The following SNAPC1 variants were observed in gnomAD, a reference collection of about 807,000 sequenced individuals.
SNAPC1 encodes the protein small nuclear RNA activating complex polypeptide 1, also known as snRNA-activating protein complex subunit 1.
Under a neutral mutation model 50.1 loss-of-function variants are expected in SNAPC1, and 42 were observed. The ratio of observed to expected loss-of-function variants is 0.84; its 90% CI spans 0.65 to 1.08. The LOEUF is 1.08. SNAPC1 is among the 50% of genes least tolerant of loss of function. SNAPC1 has a pLI of 0.00. For missense variants in SNAPC1, 477 were observed against 427.3 expected (o/e 1.12, Z -1.02); for synonymous variants, 164 against 144.2 (o/e 1.14, Z -0.98).
intron 4 of SNAPC1, among the ~76,000 whole-genome samples, chr14:61,772,124 T>C (rs1030278390): frequency 2.0e-5 from 3 of 152,118 alleles, no homozygotes; most frequent in Non-Finnish European, 2.9e-5. Context: ...TGAGACAGGA[T>C]CTTGCTTCAT....
chr14:61,789,028 C>CA (rs2045133880), intron 8 of SNAPC1, among the ~76,000 whole-genome samples: 1 of 152,068 alleles, frequency 6.6e-6, no homozygotes, highest in African/African-American at 2.4e-5. Context: ...GTCAGGAGTT[C>CA]AAAACCAGCC....
At chr14:61,778,350 A>C (rs571167018) in intron 6 of SNAPC1, among the ~76,000 whole-genome samples, 53 of 152,230 alleles carry the variant, frequency 3.5e-4, no homozygotes, top group Non-Finnish European at 5.6e-4. Context: ...CAGGGAAAGG[A>C]AAGCTTGACT....
At chr14:61,763,165 G>C (rs149073350) in intron 1 of SNAPC1, among the ~76,000 whole-genome samples, 3,674 of 151,382 alleles carry the variant, frequency 0.024, 157 homozygotes, top group African/African-American at 0.082. Flanking sequence ...TTAATTTTTT[G>C]TATTTTTAGT....
chr14:61,791,084 T>C (rs1286710168), intron 8 of SNAPC1, among the ~76,000 whole-genome samples: 2 of 152,144 alleles, frequency 1.3e-5, no homozygotes, highest in Non-Finnish European at 2.9e-5. Context: ...CGATCTCGGC[T>C]CACTGCAACC....
chr14:61,783,065 C>A (rs1382470509), intron 8 of SNAPC1, among the ~76,000 whole-genome samples: 54 of 140,750 alleles, frequency 3.8e-4, no homozygotes, highest in South Asian at 6.7e-4. Flanking sequence ...TGTTGTTGCC[C>A]AGGCCGGAGT....
intron 8 of SNAPC1, among the ~76,000 whole-genome samples, chr14:61,788,798 A>C (rs1309406915): frequency 6.6e-6 from 1 of 152,212 alleles, no homozygotes; most frequent in East Asian, 1.9e-4. Context: ...AATTGCTAGG[A>C]ATTTATTCTG....
At position 61,774,529 on chromosome 14, in the gene SNAPC1, A is replaced by G. The variant is rs533638433; in HGVS notation, c.535-1566A>G. 5.9e-5 allele frequency among the ~76,000 whole-genome samples: 9 copies of G among 152,262 alleles called. No individual in the cohort carries two copies. The South Asian group carries it at 1.9e-3, about 32-fold the overall frequency. Reference sequence around the variant, plus strand: ...TTCTCTATCACATGAAGTAAAAATAATGAGAGTATAGCCAATGTAAACTGT... The same window carrying G: ...TTCTCTATCACATGAAGTAAAAATAGTGAGAGTATAGCCAATGTAAACTGT... On this transcript the variant is annotated intron_variant, in intron 4 of 9. Transcript: ENST00000216294.
intron 8 of SNAPC1, among the ~76,000 whole-genome samples, chr14:61,784,814 A>G (rs1297126117): frequency 6.6e-6 from 1 of 152,226 alleles, no homozygotes; most frequent in East Asian, 1.9e-4. Flanking sequence ...GAAGTATCAC[A>G]GTTTTATTTA....
chr14:61,782,383 C>A lies in SNAPC1; in HGVS notation c.962C>A (p.Ser321Tyr). The A allele has an allele frequency of 6.2e-7, 1 of 1,607,598 alleles. No individual in the cohort carries two copies. Among genetic ancestry groups the A allele is most frequent in the South Asian group, 1.1e-5 (1 of 89,572 alleles). The change falls in exon 8 of 10, where the codon TCT (serine) becomes TAT (tyrosine). Residue 321 changes from serine (S) to tyrosine (Y), a missense_variant. Coordinates refer to ENST00000216294, the MANE Select transcript of SNAPC1 (RefSeq NM_003082.4). Reference protein sequence around the residue: ...ERLKPAGRKMSLRNKGNVQNI... With the variant: ...ERLKPAGRKMYLRNKGNVQNI... ...TTGAAACCAGCAGGAAGGAAGATGT[C>A]TCTCAGAAACAAAGGTAACTTTTTA...
In SNAPC1 at chr14:61,776,198, T is replaced by C; in HGVS notation, c.638T>C (p.Phe213Ser). ...CTCAGCTTGATAAAGGATGATTTTT[T>C]TGACAATATTAAGAACATAGTTTTG... ...KALSLIKDDFFDNIKNIVLEH... is the reference protein window; with the variant it reads ...KALSLIKDDFSDNIKNIVLEH... The change falls in exon 5 of 10, where the codon TTT becomes TCT. Residue 213 changes from phenylalanine (F) to serine (S), a missense_variant. Physicochemically the swap from Phe to Ser is radical, Grantham distance 155. Coordinates refer to ENST00000216294, the MANE Select transcript of SNAPC1 (RefSeq NM_003082.4). The C allele has an allele frequency of 6.2e-7, 1 of 1,613,086 alleles. No homozygotes were observed. Among genetic ancestry groups the C allele is most frequent in the South Asian group, 1.1e-5 (1 of 90,876 alleles).
Position 61,780,001 on chromosome 14 carries a change from A to C in SNAPC1, c.825+1091A>C, listed in dbSNP as rs548834677. Among the ~76,000 whole-genome samples the C allele has an allele frequency of 6.6e-5, 10 of 152,142 alleles. No individual in the cohort carries two copies. The South Asian group carries it at 1.9e-3, about 28-fold the overall frequency. ...TGGGATTACAGGTGTGAGCCAGTGC[A>C]CCTGGCCCATTTTGTTGGCTTTTTA... is the stretch of plus-strand genomic sequence containing the variant. On this transcript the variant is annotated intron_variant, in intron 7 of 9. Coordinates refer to ENST00000216294, the MANE Select transcript of SNAPC1 (RefSeq NM_003082.4).
intron 2 of SNAPC1, 31 bp from the exon 3 acceptor site, chr14:61,767,181 T>C: frequency 7.2e-7 from 1 of 1,398,244 alleles, no homozygotes. Context: ...TATTTACATT[T>C]AGTACAACTT....
intron 1 of SNAPC1, among the ~76,000 whole-genome samples, chr14:61,764,870 C>T (rs947528922): frequency 1.3e-5 from 2 of 152,162 alleles, no homozygotes; most frequent in Admixed American, 6.5e-5. Flanking sequence ...CCAAAATGTC[C>T]TCCTACTACC....
intron 8 of SNAPC1, among the ~76,000 whole-genome samples, chr14:61,787,045 A>G (rs1329443385): frequency 6.6e-6 from 1 of 152,262 alleles, no homozygotes; most frequent in African/African-American, 2.4e-5. Context: ...AAAAGGCTAT[A>G]TACTCTGTGA....
At chr14:61,790,492 C>T (rs574788225) in intron 8 of SNAPC1, among the ~76,000 whole-genome samples, 1 of 152,168 alleles carries the variant, frequency 6.6e-6, no homozygotes, top group Non-Finnish European at 1.5e-5. Context: ...CTCGCCACCA[C>T]GCCTGGCTGA....
At chr14:61,793,953 G>A (rs897051713) in intron 9 of SNAPC1, among the ~76,000 whole-genome samples, 3 of 152,074 alleles carry the variant, frequency 2.0e-5, no homozygotes, top group Non-Finnish European at 4.4e-5. Context: ...ACTGCACCCG[G>A]CCGGAATATT....
rs533785533 is a variant in SNAPC1, at chr14:61,782,519, A to T, written c.976+122A>T. Reference sequence around the variant, plus strand: ...ACTTGTTTGAGAACATTTTTGTGAGATTTAATATTAAAAATAAATTCTGTT... The same window carrying T: ...ACTTGTTTGAGAACATTTTTGTGAGTTTTAATATTAAAAATAAATTCTGTT... On this transcript the variant is annotated intron_variant, in intron 8 of 9. Coordinates refer to ENST00000216294, the MANE Select transcript of SNAPC1 (RefSeq NM_003082.4). The T allele has an allele frequency of 4.6e-6, 3 of 658,784 alleles. No homozygotes were observed. The South Asian group carries it at 7.2e-5, about 16-fold the overall frequency. 40.8% of individuals were successfully genotyped at this position (658,784 alleles called of 1,614,324 possible).
In SNAPC1 at chr14:61,768,689, T is replaced by TA; in HGVS notation, c.485dup (p.Asp163GlyfsTer4). 1 of 1,612,492 alleles carries TA rather than the reference T, an allele frequency of 6.2e-7. No individual in the cohort carries two copies. Among genetic ancestry groups the TA allele is most frequent in the Non-Finnish European group, 8.5e-7 (1 of 1,178,786 alleles). On this transcript the variant is annotated frameshift_variant, in exon 4 of 10. Coordinates refer to ENST00000216294, the MANE Select transcript of SNAPC1 (RefSeq NM_003082.4). LOFTEE classifies it high-confidence loss of function. ...ACCGAGCTGAAGTTACAGAAGAATT[T>TA]AAGGACCCAAGTGATCGTGTGATGA... is the stretch of plus-strand genomic sequence containing the variant.
At chr14:61,765,961 G>C (rs2044945464) in intron 1 of SNAPC1, among the ~76,000 whole-genome samples, 1 of 152,166 alleles carries the variant, frequency 6.6e-6, no homozygotes, top group African/African-American at 2.4e-5. Context: ...GAGATTTAGT[G>C]CAAATCCCTG....
Sources: gnomAD v4.1 joint callset for allele counts (sites outside exome capture counted in the v4.1 genomes callset) on GRCh38, gnomAD v4.1.1 for gene constraint, MANE v1.5 for transcripts, NCBI Gene and HGNC (gene_info 2026-07-23, HGNC 2026-07-21) for gene names.